Variants in GRM7 observed in about 807,000 individuals in gnomAD.
GRM7 encodes the protein glutamate metabotropic receptor 7.
GRM7 carries 35 observed loss-of-function variants against 84.5 expected under a neutral mutation model. The ratio of observed to expected loss-of-function variants is 0.41; its 90% CI spans 0.32 to 0.55. The LOEUF (loss-of-function observed/expected upper bound fraction) is 0.55. GRM7 is among the 20% of genes least tolerant of loss of function. The pLI is 0.19. For missense variants in GRM7, 1,003 were observed against 1,194.6 expected, an observed-to-expected ratio of 0.84 and a Z score of 2.36; for synonymous variants, 487 against 455.1, an observed-to-expected ratio of 1.07 and a Z score of -0.89.
chr3:7,678,233 CAT>C (rs1261367364), intron 8 of GRM7, among the ~76,000 whole-genome samples: 2 of 152,222 alleles, frequency 1.3e-5, no homozygotes, highest in South Asian at 2.1e-4. Context: ...AAAAAGAAAA[CAT>C]ATGTGTACAC....
At position 7,572,860 on chromosome 3, in the gene GRM7, AT is replaced by A. The variant is rs1694763115; in HGVS notation, c.1516-5561del. Among the ~76,000 whole-genome samples, 11 of 47,582 alleles carry A rather than the reference AT, an allele frequency of 2.3e-4. 2 individuals are homozygous for A. The highest frequency in any genetic ancestry group is 7.0e-4 in the African/African-American group (9 of 12,810). 31.2% of individuals were successfully genotyped at this position (47,582 alleles called of 152,430 possible). A position where few individuals can be genotyped will look rare whatever the true frequency, so the allele number is the denominator to read the frequency against. On this transcript the variant is annotated intron_variant, in intron 7 of 9. Coordinates refer to ENST00000357716, the MANE Select transcript of GRM7 (RefSeq NM_000844.4). ...TATATATATATATATATATATATAT[AT>A]ATATATATATATATATATAAATAAT...
At chr3:6,895,248 G>T (rs1300151712) in intron 1 of GRM7, among the ~76,000 whole-genome samples, 1 of 152,132 alleles carries the variant, frequency 6.6e-6, no homozygotes, top group Non-Finnish European at 1.5e-5. Context: ...TGTCGCCTCA[G>T]TGGATCCCTT....
At chr3:7,522,099 G>A (rs1369064689) in intron 7 of GRM7, among the ~76,000 whole-genome samples, 3 of 152,072 alleles carry the variant, frequency 2.0e-5, no homozygotes, top group Non-Finnish European at 4.4e-5. Flanking sequence ...ATTCAGGTTT[G>A]TGTTAGACCG....
chr3:7,022,142 C>T (rs1695798997), intron 1 of GRM7, among the ~76,000 whole-genome samples: 1 of 151,872 alleles, frequency 6.6e-6, no homozygotes, highest in African/African-American at 2.4e-5. Flanking sequence ...GCCTGTACAA[C>T]ATGGTGATAC....
At chr3:7,331,021 C>T (rs115249960) in intron 4 of GRM7, among the ~76,000 whole-genome samples, 2,492 of 152,266 alleles carry the variant, frequency 0.016, 62 homozygotes, top group African/African-American at 0.058. Context: ...TCTTACTTAC[C>T]TTGTTGATTT....
intron 1 of GRM7, among the ~76,000 whole-genome samples, chr3:6,903,665 A>G (rs1272820252): frequency 2.0e-5 from 3 of 152,156 alleles, no homozygotes; most frequent in Non-Finnish European, 4.4e-5. Context: ...ACTCAGATAT[A>G]GAATGGCTAA....
chr3:7,560,737 G>A (rs1420408220), intron 7 of GRM7, among the ~76,000 whole-genome samples: 1 of 152,090 alleles, frequency 6.6e-6, no homozygotes, highest in Non-Finnish European at 1.5e-5. Flanking sequence ...TCACCTTTCA[G>A]ATCACAGCTT....
chr3:7,690,357 C>T (rs541504685), intron 9 of GRM7, among the ~76,000 whole-genome samples: 21 of 151,718 alleles, frequency 1.4e-4, no homozygotes, highest in Non-Finnish European at 1.9e-4. Flanking sequence ...GGTAGATGCA[C>T]GGGAAACATT....
chr3:6,981,060 G>C (rs1402239980), intron 1 of GRM7, among the ~76,000 whole-genome samples: 1 of 152,096 alleles, frequency 6.6e-6, no homozygotes, highest in African/African-American at 2.4e-5. Flanking sequence ...TGAAAACAAG[G>C]GTTCTGCCAA....
At chr3:7,340,287 G>A (rs1232239874) in intron 4 of GRM7, among the ~76,000 whole-genome samples, 4 of 152,052 alleles carry the variant, frequency 2.6e-5, no homozygotes, top group African/African-American at 7.2e-5. Context: ...CTCGAGACTG[G>A]GCAATTTATA....
At chr3:7,099,909 T>G in intron 1 of GRM7, among the ~76,000 whole-genome samples, 1 of 84,752 alleles carries the variant, frequency 1.2e-5, no homozygotes, top group East Asian at 3.0e-4. Flanking sequence ...ATTATACATA[T>G]ATAATATTAA....
At chr3:6,956,570 G>A in intron 1 of GRM7, 1 of 456,674 alleles carries the variant, frequency 2.2e-6, no homozygotes. Context: ...CTCCTAGGGA[G>A]ATGCCCTTCT....
chr3:7,072,886 GC>G (rs1288438978), intron 1 of GRM7, among the ~76,000 whole-genome samples: 1 of 152,070 alleles, frequency 6.6e-6, no homozygotes, highest in African/African-American at 2.4e-5. Context: ...CTGAATCATA[GC>G]CCCCAGGCTA....
At chr3:7,601,389 AG>A (rs1696306007) in intron 8 of GRM7, among the ~76,000 whole-genome samples, 1 of 152,096 alleles carries the variant, frequency 6.6e-6, no homozygotes, top group Non-Finnish European at 1.5e-5. Context: ...TGAGAGAGAC[AG>A]GGGTTCTATC....
intron 7 of GRM7, among the ~76,000 whole-genome samples, chr3:7,482,988 C>G (rs1168336568): frequency 1.3e-5 from 2 of 152,136 alleles, no homozygotes; most frequent in African/African-American, 2.4e-5. Context: ...TTGTTCAATA[C>G]TCCTAACAAT....
chr3:7,036,619 C>T (rs1289258097), intron 1 of GRM7, among the ~76,000 whole-genome samples: 1 of 152,034 alleles, frequency 6.6e-6, no homozygotes, highest in African/African-American at 2.4e-5. Context: ...CATTTTATTT[C>T]ACGTGGGTTT....
chr3:7,728,356 T>C (rs1559508743), intron 9 of GRM7, among the ~76,000 whole-genome samples: 2 of 152,208 alleles, frequency 1.3e-5, no homozygotes, highest in African/African-American at 4.8e-5. Flanking sequence ...TTTCCAGTGC[T>C]TATATATGTT....
chr3:7,501,484 A>G (rs1699881000), intron 7 of GRM7, among the ~76,000 whole-genome samples: 1 of 152,210 alleles, frequency 6.6e-6, no homozygotes, highest in Non-Finnish European at 1.5e-5. Flanking sequence ...TTTAATGGAC[A>G]ATAGCCATCT....
At chr3:6,961,737 G>C (rs2022551) in intron 1 of GRM7, among the ~76,000 whole-genome samples, 2 of 151,998 alleles carry the variant, frequency 1.3e-5, no homozygotes, top group Non-Finnish European at 2.9e-5. Context: ...ATACCTCCTT[G>C]TTCTTAACTA....
Sources: gnomAD v4.1 joint callset for allele counts (sites outside exome capture counted in the v4.1 genomes callset) on GRCh38, gnomAD v4.1.1 for gene constraint, MANE v1.5 for transcripts, NCBI Gene and HGNC (gene_info 2026-07-23, HGNC 2026-07-21) for gene names.